SPATS2: variants seen among roughly 807,000 people sequenced by gnomAD.
The protein encoded by SPATS2 is spermatogenesis associated serine rich 2.
A neutral mutation model predicts 63.7 loss-of-function variants in SPATS2; 38 were observed. That is an observed-to-expected ratio of 0.60 (90% confidence interval 0.46 to 0.78). The LOEUF is 0.78. Ranked by LOEUF, SPATS2 falls within the 30% of genes least tolerant of loss-of-function variation. The pLI is 0.00. For synonymous variants in SPATS2, 207 were observed against 232.9 expected (o/e 0.89, Z 1.01); for missense variants, 588 against 666.2 (o/e 0.88, Z 1.29).
chr12:49,487,702 G>T (rs893352554), intron 4 of SPATS2, among the ~76,000 whole-genome samples: 2 of 151,852 alleles, frequency 1.3e-5, no homozygotes, highest in African/African-American at 2.4e-5. Context: ...GGCTCAAGCA[G>T]TCCTCCCGCC....
intron 2 of SPATS2, chr12:49,442,422 G>C (rs1954373969): frequency 6.5e-6 from 1 of 153,040 alleles, no homozygotes; most frequent in African/African-American, 2.4e-5. Flanking sequence ...AATCAAACTA[G>C]GCTTCTTTCT....
intron 2 of SPATS2, among the ~76,000 whole-genome samples, chr12:49,405,793 A>G (rs1944683882): frequency 6.6e-6 from 1 of 152,242 alleles, no homozygotes; most frequent in African/African-American, 2.4e-5. Flanking sequence ...GCGAGTCCAA[A>G]TAAATGTTTA....
intron 2 of SPATS2, among the ~76,000 whole-genome samples, chr12:49,452,128 G>A (rs887667653): frequency 4.6e-5 from 7 of 152,084 alleles, no homozygotes; most frequent in African/African-American, 1.7e-4. Flanking sequence ...TGAGCTTCCT[G>A]ACTCTGTAGA....
At chr12:49,425,234 A>C (rs1003247528) in intron 2 of SPATS2, among the ~76,000 whole-genome samples, 1 of 152,156 alleles carries the variant, frequency 6.6e-6, no homozygotes, top group Non-Finnish European at 1.5e-5. Flanking sequence ...ACCCACACTT[A>C]AATTGAGGAC....
intron 2 of SPATS2, among the ~76,000 whole-genome samples, chr12:49,402,233 G>A (rs2137304299): frequency 6.6e-6 from 1 of 152,264 alleles, no homozygotes; most frequent in African/African-American, 2.4e-5. Context: ...TTGGTGTTTT[G>A]CCAGGCAGGT....
chr12:49,513,236 TTTGA>T lies in SPATS2; in HGVS notation c.840-1318_840-1315del, dbSNP rs1361117472. Among the ~76,000 whole-genome samples, 362 of 146,326 alleles carry T rather than the reference TTTGA, an allele frequency of 2.5e-3. 2 individuals carry two copies. The highest frequency in any genetic ancestry group is 8.3e-3 in the African/African-American group (320 of 38,472). On this transcript the variant is annotated intron_variant, in intron 9 of 13. Transcript: ENST00000552918. ...GTGTGTGTGTGTGTGTGTGTGTGTG[TTTGA>T]GTGTGATTACAACCAGAAACAAGAG... is the stretch of plus-strand genomic sequence containing the variant.
intron 3 of SPATS2, chr12:49,462,337 G>T: frequency 7.1e-6 from 5 of 702,412 alleles, no homozygotes; most frequent in African/African-American, 1.7e-5. Context: ...CCGGCTGGCT[G>T]CTTCAGTACC....
chr12:49,369,592 G>C (rs1277733722), intron 1 of SPATS2, among the ~76,000 whole-genome samples: 1 of 152,154 alleles, frequency 6.6e-6, no homozygotes, highest in African/African-American at 2.4e-5. Context: ...TGAACTGGTT[G>C]AAACTTGGGT....
intron 10 of SPATS2, among the ~76,000 whole-genome samples, chr12:49,517,361 G>A (rs1946868316): frequency 6.6e-6 from 1 of 152,182 alleles, no homozygotes; most frequent in Non-Finnish European, 1.5e-5. Context: ...GAGTAAACTT[G>A]CTAAATACAT....
At chr12:49,488,356 C>G (rs1476331435) in intron 4 of SPATS2, among the ~76,000 whole-genome samples, 1 of 151,848 alleles carries the variant, frequency 6.6e-6, no homozygotes, top group African/African-American at 2.4e-5. Flanking sequence ...TATTTTTAGT[C>G]TCAAAAAATA....
chr12:49,423,121 A>G (rs1344709114), intron 2 of SPATS2, among the ~76,000 whole-genome samples: 2 of 148,334 alleles, frequency 1.3e-5, no homozygotes, highest in Non-Finnish European at 3.0e-5. Flanking sequence ...CCTTGCTAGC[A>G]CTCTGGTTAA....
chr12:49,448,955 A>T (rs921510198), intron 2 of SPATS2, among the ~76,000 whole-genome samples: 5 of 152,178 alleles, frequency 3.3e-5, no homozygotes, highest in African/African-American at 1.2e-4. Context: ...CTGTGTTACA[A>T]CTATTCATTT....
chr12:49,366,870 T>C (rs894617991), upstream of SPATS2: 2 of 151,404 alleles, frequency 1.3e-5, no homozygotes, highest in Admixed American at 1.3e-4. Context: ...TCAGTTCAGC[T>C]CGGGCCCTCC....
intron 2 of SPATS2, chr12:49,390,189 CT>C: frequency 7.4e-7 from 1 of 1,355,298 alleles, no homozygotes. Context: ...CTGTGAGCTT[CT>C]TACATGGCTC....
intron 2 of SPATS2, among the ~76,000 whole-genome samples, chr12:49,398,385 G>A (rs1302449989): frequency 5.3e-5 from 8 of 152,046 alleles, no homozygotes; most frequent in Admixed American, 5.2e-4. Flanking sequence ...GAGGCTGGTT[G>A]GAACGTTACA....
intron 10 of SPATS2, among the ~76,000 whole-genome samples, chr12:49,514,876 C>T (rs1946812954): frequency 6.6e-6 from 1 of 152,128 alleles, no homozygotes; most frequent in Non-Finnish European, 1.5e-5. Flanking sequence ...TATCTGCCAC[C>T]AGGTTTTTAT....
intron 2 of SPATS2, among the ~76,000 whole-genome samples, chr12:49,415,930 A>G (rs1395029615): frequency 6.7e-6 from 1 of 149,252 alleles, no homozygotes; most frequent in Admixed American, 6.7e-5. Flanking sequence ...CTTTGTTAAC[A>G]TTTTTCTCAA....
At chr12:49,418,024 C>T (rs112704050) in intron 2 of SPATS2, among the ~76,000 whole-genome samples, 1,981 of 151,654 alleles carry the variant, frequency 0.013, 42 homozygotes, top group African/African-American at 0.045. Context: ...AGACTACAGG[C>T]GCATGCCACC....
chr12:49,381,046 TTTGTTGTTG>T (rs138097273), intron 2 of SPATS2, among the ~76,000 whole-genome samples: 9 of 151,342 alleles, frequency 5.9e-5, no homozygotes, highest in Non-Finnish European at 1.2e-4. Flanking sequence ...CTTGTCAACA[TTTGTTGTTG>T]TTGTTGTTGT....
Sources: gnomAD v4.1 joint callset for allele counts (sites outside exome capture counted in the v4.1 genomes callset) on GRCh38, gnomAD v4.1.1 for gene constraint, MANE v1.5 for transcripts, NCBI Gene and HGNC (gene_info 2026-07-23, HGNC 2026-07-21) for gene names.